DYSF: variants seen among roughly 807,000 people sequenced by gnomAD.
DYSF encodes the protein dysferlin.
A neutral mutation model predicts 274.9 loss-of-function variants in DYSF; 212 were observed. The observed-to-expected ratio is 0.77, with a 90% CI of 0.69 to 0.86. DYSF has a LOEUF of 0.86. Among genes scored for constraint, DYSF ranks in the 40% least tolerant of loss-of-function variants. The pLI, the probability that DYSF is intolerant of heterozygous loss-of-function variation, is 0.00. For missense variants in DYSF, 2,666 were observed against 2,783.2 expected (o/e 0.96, Z 0.95); for synonymous variants, 1,091 against 1,078.7 (o/e 1.01, Z -0.22).
intron 32 of DYSF, among the ~76,000 whole-genome samples, chr2:71,594,402 G>A (rs1193512289): frequency 6.6e-6 from 1 of 152,126 alleles, no homozygotes; most frequent in African/African-American, 2.4e-5. Context: ...AACACTGCAC[G>A]CTTCGGGATT....
chr2:71,601,225 G>A, intron 34 of DYSF: 1 of 602,488 alleles, frequency 1.7e-6, no homozygotes, highest in Admixed American at 2.9e-5. Flanking sequence ...CTCCCCTGCT[G>A]TAAAATGAGA....
At chr2:71,617,761 G>GGTGTGTGT (rs1553386113) in intron 40 of DYSF, among the ~76,000 whole-genome samples, 1 of 83,450 alleles carries the variant, frequency 1.2e-5, no homozygotes, top group African/African-American at 4.7e-5. Context: ...GGGTAGAGGT[G>GGTGTGTGT]GTGTGTGTGG....
At chr2:71,667,665 A>G (rs2095040872) in intron 48 of DYSF, 150 bp downstream of exon 48, 2 of 1,294,128 alleles carry the variant, frequency 1.5e-6, no homozygotes, top group East Asian at 2.5e-5. Flanking sequence ...GAGTGCGGCC[A>G]TGGTTGGCCT....
intron 32 of DYSF, among the ~76,000 whole-genome samples, chr2:71,592,807 G>C (rs1043666698): frequency 1.3e-5 from 2 of 152,190 alleles, no homozygotes; most frequent in Non-Finnish European, 2.9e-5. Flanking sequence ...TATATGGTGG[G>C]TCTCGGGGCT....
intron 47 of DYSF, among the ~76,000 whole-genome samples, chr2:71,666,357 G>T (rs2095008549): frequency 6.6e-6 from 1 of 152,232 alleles, no homozygotes; most frequent in South Asian, 2.1e-4. Flanking sequence ...CACCCAACCA[G>T]CTAGGGGCAG....
At chr2:71,511,173 C>T (rs985632685) in intron 4 of DYSF, among the ~76,000 whole-genome samples, 2 of 152,190 alleles carry the variant, frequency 1.3e-5, no homozygotes, top group African/African-American at 4.8e-5. Context: ...AGGGATGTCA[C>T]CAGTCCCTCT....
intron 3 of DYSF, among the ~76,000 whole-genome samples, chr2:71,499,361 C>T (rs1166974279): frequency 6.6e-6 from 1 of 152,218 alleles, no homozygotes; most frequent in Non-Finnish European, 1.5e-5. Context: ...ATGTACTGTA[C>T]TTTATTTACC....
chr2:71,587,630 C>T (rs4852810), intron 30 of DYSF, among the ~76,000 whole-genome samples: 22,798 of 152,208 alleles, frequency 0.15, 2,157 homozygotes, highest in East Asian at 0.27. Context: ...AAGCAACTCT[C>T]TAAAATAGAT....
chr2:71,504,530 C>T (rs1232767656), intron 4 of DYSF, among the ~76,000 whole-genome samples: 1 of 152,198 alleles, frequency 6.6e-6, no homozygotes, highest in Non-Finnish European at 1.5e-5. Context: ...TCAAGGAGGA[C>T]CCCAAGGAGT....
chr2:71,677,425 A>G (rs1278751213), intron 52 of DYSF, among the ~76,000 whole-genome samples: 3 of 152,186 alleles, frequency 2.0e-5, no homozygotes, highest in Non-Finnish European at 4.4e-5. Flanking sequence ...TTATCAGATT[A>G]TGATTAGATT....
At chr2:71,481,148 C>G (rs1303187061) in intron 2 of DYSF, among the ~76,000 whole-genome samples, 1 of 152,156 alleles carries the variant, frequency 6.6e-6, no homozygotes. Context: ...TGGAGGGGAG[C>G]TAGATATTTT....
intron 1 of DYSF, among the ~76,000 whole-genome samples, chr2:71,476,595 T>C (rs1429227899): frequency 6.6e-6 from 1 of 152,100 alleles, no homozygotes; most frequent in Admixed American, 6.6e-5. Flanking sequence ...TTGTGTTTTT[T>C]AGATTGCATG....
chr2:71,626,369 T>A (rs1420884653), intron 41 of DYSF, among the ~76,000 whole-genome samples: 1 of 151,342 alleles, frequency 6.6e-6, no homozygotes, highest in Non-Finnish European at 1.5e-5. Flanking sequence ...ATCGAAGTGA[T>A]CATATAATTT....
intron 22 of DYSF, among the ~76,000 whole-genome samples, chr2:71,561,390 A>G (rs1177070750): frequency 2.0e-5 from 3 of 151,892 alleles, no homozygotes; most frequent in Non-Finnish European, 4.4e-5. Flanking sequence ...AGGAGGCAGG[A>G]GCAGGACCCC....
intron 45 of DYSF, among the ~76,000 whole-genome samples, chr2:71,663,664 G>A (rs1177850582): frequency 1.3e-5 from 2 of 152,224 alleles, no homozygotes; most frequent in Non-Finnish European, 2.9e-5. Flanking sequence ...GATGCACATG[G>A]TAGATGGAGT....
intron 23 of DYSF, 106 bp from the exon 24 acceptor site, chr2:71,563,952 G>A (rs1220980355): frequency 2.7e-6 from 4 of 1,466,452 alleles, no homozygotes; most frequent in African/African-American, 2.8e-5. Flanking sequence ...AGCTGGGAGA[G>A]GAGAGGCCTC....
chr2:71,642,516 G>A (rs75786011), intron 41 of DYSF, among the ~76,000 whole-genome samples: 1,967 of 152,304 alleles, frequency 0.013, 20 homozygotes, highest in Non-Finnish European at 0.02. Context: ...TTTTTCTAGA[G>A]TGGTTACAAG....
At chr2:71,644,649 A>T (rs1176233041) in intron 42 of DYSF, among the ~76,000 whole-genome samples, 2 of 152,222 alleles carry the variant, frequency 1.3e-5, no homozygotes, top group Admixed American at 1.3e-4. Flanking sequence ...AACAGAAATG[A>T]GTCAGCCAAA....
intron 1 of DYSF, among the ~76,000 whole-genome samples, chr2:71,478,577 G>A (rs1193357244): frequency 6.6e-6 from 1 of 152,100 alleles, no homozygotes; most frequent in East Asian, 1.9e-4. Flanking sequence ...CTGCCCCAAA[G>A]AATCACAGGA....
Sources: gnomAD v4.1 joint callset for allele counts (sites outside exome capture counted in the v4.1 genomes callset) on GRCh38, gnomAD v4.1.1 for gene constraint, MANE v1.5 for transcripts, NCBI Gene and HGNC (gene_info 2026-07-23, HGNC 2026-07-21) for gene names.